DPP10: variants seen among roughly 807,000 people sequenced by gnomAD.
The protein encoded by DPP10 is inactive dipeptidyl peptidase 10.
DPP10 carries 33 observed loss-of-function variants against 120.9 expected under a neutral mutation model. The ratio of observed to expected loss-of-function variants is 0.27; its 90% CI spans 0.21 to 0.37. The LOEUF (loss-of-function observed/expected upper bound fraction) is 0.37, where lower values mean the gene tolerates loss of function less well. Among genes scored for constraint, DPP10 ranks in the 10% least tolerant of loss-of-function variants. DPP10 has a pLI of 1.00. For synonymous variants in DPP10, 337 were observed against 326.1 expected, an observed-to-expected ratio of 1.03 and a Z score of -0.36; for missense variants, 816 against 942.8, an observed-to-expected ratio of 0.87 and a Z score of 1.76.
intron 11 of DPP10, 98 bp from the exon 12 acceptor site, chr2:115,762,474 A>AG (rs1180673843): frequency 9.1e-6 from 11 of 1,214,372 alleles, no homozygotes; most frequent in Non-Finnish European, 1.3e-5. Flanking sequence ...AGTTGAAGAG[A>AG]GGGAAAAAAA....
At chr2:115,774,391 T>A (rs1681846910) in intron 13 of DPP10, among the ~76,000 whole-genome samples, 1 of 152,122 alleles carries the variant, frequency 6.6e-6, no homozygotes. Context: ...AAAGATGCAC[T>A]AAAACCTTGA....
intron 1 of DPP10, among the ~76,000 whole-genome samples, chr2:114,949,023 C>T (rs1697577311): frequency 6.6e-6 from 1 of 151,864 alleles, no homozygotes; most frequent in South Asian, 2.1e-4. Context: ...CTCCCGGGTT[C>T]AAGTGATTCT....
chr2:115,364,430 C>G (rs1293255931), intron 3 of DPP10, among the ~76,000 whole-genome samples: 1 of 152,018 alleles, frequency 6.6e-6, no homozygotes, highest in African/African-American at 2.4e-5. Flanking sequence ...TGGCAGTGCT[C>G]AAATCACATA....
At chr2:115,836,393 T>C in intron 22 of DPP10, 114 bp from the exon 23 acceptor site, 3 of 1,422,480 alleles carry the variant, frequency 2.1e-6, no homozygotes, top group Non-Finnish European at 1.9e-6. Context: ...TCCTCCTTGA[T>C]TCAGCTGATT....
chr2:115,514,003 T>C (rs2077369872), intron 4 of DPP10, among the ~76,000 whole-genome samples: 1 of 152,014 alleles, frequency 6.6e-6, no homozygotes, highest in African/African-American at 2.4e-5. Flanking sequence ...AACTTCTCCT[T>C]CCTTTATGAG....
chr2:115,288,975 A>G (rs1464538535), intron 1 of DPP10, among the ~76,000 whole-genome samples: 1 of 152,132 alleles, frequency 6.6e-6, no homozygotes, highest in Non-Finnish European at 1.5e-5. Context: ...AATAAAGGAC[A>G]TCCATATTGG....
chr2:114,643,107 C>A (rs1015166030), intron 1 of DPP10, among the ~76,000 whole-genome samples: 1 of 151,868 alleles, frequency 6.6e-6, no homozygotes, highest in South Asian at 2.1e-4. Context: ...AACATCAGAT[C>A]ATTTCAGAGC....
chr2:115,000,551 A>G (rs1701374687), intron 1 of DPP10, among the ~76,000 whole-genome samples: 1 of 152,202 alleles, frequency 6.6e-6, no homozygotes. Flanking sequence ...TATTGTAAAT[A>G]GCCTTGGATG....
At chr2:115,795,424 T>G (rs1684427107) in intron 19 of DPP10, among the ~76,000 whole-genome samples, 1 of 152,160 alleles carries the variant, frequency 6.6e-6, no homozygotes, top group Non-Finnish European at 1.5e-5. Context: ...CTTTCTTTCC[T>G]TTCTCTGAAT....
intron 4 of DPP10, among the ~76,000 whole-genome samples, chr2:115,504,045 A>G (rs13002945): frequency 0.21 from 32,253 of 151,934 alleles, 3,938 homozygotes; most frequent in East Asian, 0.39. Flanking sequence ...GAGATATTAA[A>G]CTGTGGCTTC....
rs1236299427 is a variant in DPP10 at position 115,005,847 on chromosome 2, G to A, written c.61-303392G>A. Among the ~76,000 whole-genome samples, 5 of 152,118 alleles carry A rather than the reference G, an allele frequency of 3.3e-5. No individual in the cohort carries two copies. The East Asian group carries it at 9.7e-4, about 29-fold the overall frequency. The stretch of plus-strand genomic sequence containing the variant: ...ATCTAGCAAGGCAGGCCAACATTCA[G>A]ATTCAGGAAATACAGAGAACGCCAC... On this transcript the variant is annotated intron_variant, in intron 1 of 25. Transcript: ENST00000410059.
intron 1 of DPP10, among the ~76,000 whole-genome samples, chr2:114,561,986 C>G (rs1192506647): frequency 6.6e-6 from 1 of 152,202 alleles, no homozygotes; most frequent in Admixed American, 6.5e-5. Flanking sequence ...ATAACTTCAA[C>G]TAAGATAACG....
At chr2:115,378,196 C>T (rs892440546) in intron 3 of DPP10, among the ~76,000 whole-genome samples, 24 of 152,114 alleles carry the variant, frequency 1.6e-4, no homozygotes, top group South Asian at 4.2e-4. Flanking sequence ...CATGGAATGT[C>T]CTTCCATTTG....
chr2:115,621,777 T>C (rs147641351), intron 5 of DPP10, among the ~76,000 whole-genome samples: 5,090 of 152,288 alleles, frequency 0.033, 102 homozygotes, highest in Middle Eastern at 0.092. Context: ...CCTCCCAGGT[T>C]CAAGCAATTC....
chr2:115,807,302 G>A (rs79008640), intron 19 of DPP10, among the ~76,000 whole-genome samples: 12,238 of 152,146 alleles, frequency 0.08, 655 homozygotes, highest in Non-Finnish European at 0.12. Context: ...TTTTCTATTG[G>A]TTGTATTCTT....
intron 1 of DPP10, among the ~76,000 whole-genome samples, chr2:114,528,507 A>G (rs183823796): frequency 6.6e-6 from 1 of 152,088 alleles, no homozygotes; most frequent in Admixed American, 6.6e-5. Context: ...CAGGGACTGC[A>G]CTATTCATTC....
intron 4 of DPP10, 48 bp from the exon 5 acceptor site, chr2:115,525,850 C>T (rs1390458749): frequency 1.4e-6 from 2 of 1,405,466 alleles, no homozygotes; most frequent in East Asian, 2.3e-5. Flanking sequence ...CATCCAAATT[C>T]ATGTTAAGAA....
intron 1 of DPP10, among the ~76,000 whole-genome samples, chr2:114,736,897 T>C (rs1677495619): frequency 6.6e-6 from 1 of 152,204 alleles, no homozygotes; most frequent in Admixed American, 6.5e-5. Context: ...ATTTAGTGGG[T>C]TAGTTTTTTA....
At chr2:115,418,702 G>T (rs2069657659) in intron 3 of DPP10, among the ~76,000 whole-genome samples, 2 of 152,030 alleles carry the variant, frequency 1.3e-5, no homozygotes, top group South Asian at 2.1e-4. Flanking sequence ...AGCCCAGGAG[G>T]TTGAGGCTGC....
Sources: allele counts gnomAD v4.1 joint callset (sites outside exome capture counted in the v4.1 genomes callset), GRCh38; gene constraint gnomAD v4.1.1; transcripts MANE v1.5; gene names NCBI Gene and HGNC (gene_info 2026-07-23, HGNC 2026-07-21).